Variants in NAV2 observed in about 807,000 individuals in gnomAD.
NAV2 encodes the protein helicase, APC down-regulated 1.
A neutral mutation model predicts 223.2 loss-of-function variants in NAV2; 54 were observed. The observed-to-expected ratio is 0.24, with a 90% CI of 0.19 to 0.30. The LOEUF is 0.30. Among genes scored for constraint, NAV2 ranks in the 10% least tolerant of loss-of-function variants. The pLI, the probability that NAV2 is intolerant of heterozygous loss-of-function variation, is 1.00. For missense variants in NAV2, 2,806 were observed against 3,147.5 expected, an observed-to-expected ratio of 0.89 and a Z score of 2.60; for synonymous variants, 1,279 against 1,239.3, an observed-to-expected ratio of 1.03 and a Z score of -0.67.
chr11:19,996,933 T>A (rs960621172), intron 11 of NAV2, among the ~76,000 whole-genome samples: 3 of 152,182 alleles, frequency 2.0e-5, no homozygotes, highest in African/African-American at 7.2e-5. Flanking sequence ...CTCAGTGGGC[T>A]CAAACCTCCA....
chr11:19,454,668 AG>A (rs138453689), intron 1 of NAV2, among the ~76,000 whole-genome samples: 1 of 152,326 alleles, frequency 6.6e-6, no homozygotes, highest in Non-Finnish European at 1.5e-5. Context: ...AAGGTGGGCC[AG>A]GCTGATGATG....
chr11:19,820,258 A>C (rs1396572442), intron 1 of NAV2, among the ~76,000 whole-genome samples: 1 of 152,350 alleles, frequency 6.6e-6, no homozygotes, highest in Non-Finnish European at 1.5e-5. Context: ...AGCTGCTCCC[A>C]AGCCTTTCTG....
At chr11:19,670,531 C>A (rs550764119) in intron 1 of NAV2, among the ~76,000 whole-genome samples, 8 of 152,354 alleles carry the variant, frequency 5.3e-5, no homozygotes, top group African/African-American at 1.7e-4. Context: ...GAAAAGGCTG[C>A]AGCCACCCTG....
chr11:19,870,653 A>G (rs968436574), intron 4 of NAV2, among the ~76,000 whole-genome samples: 2 of 152,216 alleles, frequency 1.3e-5, no homozygotes, highest in African/African-American at 2.4e-5. Flanking sequence ...TTGAAAGAAC[A>G]AGTACCAATT....
chr11:19,734,314 T>A (rs1221894613), intron 1 of NAV2, among the ~76,000 whole-genome samples: 3 of 152,180 alleles, frequency 2.0e-5, no homozygotes, highest in Non-Finnish European at 4.4e-5. Context: ...AGGATGAATA[T>A]GATGACCCAT....
At chr11:19,931,325 T>C (rs563692399) in intron 6 of NAV2, among the ~76,000 whole-genome samples, 1 of 152,200 alleles carries the variant, frequency 6.6e-6, no homozygotes, top group African/African-American at 2.4e-5. Context: ...GCACCCTCCC[T>C]CCAAACCCAA....
chr11:19,365,645 G>T (rs953405352), intron 1 of NAV2, among the ~76,000 whole-genome samples: 2 of 152,218 alleles, frequency 1.3e-5, no homozygotes, highest in Non-Finnish European at 2.9e-5. Context: ...ACTCTAAGAT[G>T]CTAGAGGGTG....
At chr11:19,468,003 G>A (rs559358644) in intron 1 of NAV2, among the ~76,000 whole-genome samples, 8 of 152,192 alleles carry the variant, frequency 5.3e-5, no homozygotes, top group Admixed American at 1.3e-4. Flanking sequence ...GCATAAGGAA[G>A]GGAGGCTTGG....
chr11:19,811,312 A>G (rs755897212), intron 1 of NAV2, among the ~76,000 whole-genome samples: 6 of 152,126 alleles, frequency 3.9e-5, no homozygotes, highest in Non-Finnish European at 8.8e-5. Context: ...GGAGGAGGTC[A>G]GAGGGGGAGA....
chr11:19,692,935 C>T (rs571298914), intron 1 of NAV2, among the ~76,000 whole-genome samples: 13 of 152,322 alleles, frequency 8.5e-5, no homozygotes, highest in East Asian at 1.9e-4. Context: ...GGCTCCAAAC[C>T]GAGGGAACAG....
intron 1 of NAV2, among the ~76,000 whole-genome samples, chr11:19,571,134 C>T (rs2045413685): frequency 6.6e-6 from 1 of 152,156 alleles, no homozygotes; most frequent in Non-Finnish European, 1.5e-5. Context: ...ACAAATGCCA[C>T]AACATGGATG....
At chr11:19,620,493 T>C (rs2046957480) in intron 1 of NAV2, among the ~76,000 whole-genome samples, 2 of 152,182 alleles carry the variant, frequency 1.3e-5, no homozygotes, top group Admixed American at 1.3e-4. Context: ...GTAAGTTGGA[T>C]TCCTAGGTAT....
At chr11:20,103,440 C>T (rs754007640) in intron 33 of NAV2, 31 bp downstream of exon 33, 5 of 1,603,582 alleles carry the variant, frequency 3.1e-6, no homozygotes, top group Admixed American at 1.7e-5. Context: ...TCATAGCCCC[C>T]CGGGAGAGAG....
intron 10 of NAV2, among the ~76,000 whole-genome samples, chr11:19,958,357 C>G (rs1176418243): frequency 6.6e-6 from 1 of 152,194 alleles, no homozygotes; most frequent in Non-Finnish European, 1.5e-5. Context: ...TTGCCAAGAT[C>G]CTAACGCTGT....
intron 1 of NAV2, chr11:19,714,339 C>T (rs761761313): frequency 2.4e-5 from 12 of 494,686 alleles, no homozygotes; most frequent in Admixed American, 2.3e-4. Flanking sequence ...GTGTGTCTGT[C>T]TGGCGGTTCC....
rs79186797 is a variant in NAV2, at chr11:19,801,414, G to A, written c.268-31070G>A. ...TCTCCCTTTGCTGTGTCCTCTCCAA[G>A]CCCAGCATTGCTTCAGATTGCTAAA... On this transcript the variant is annotated intron_variant, in intron 1 of 37. Coordinates refer to ENST00000349880, the MANE Select transcript of NAV2 (RefSeq NM_145117.5). 6.1e-3 allele frequency among the ~76,000 whole-genome samples: 928 copies of A among 152,326 alleles called. 15 individuals carry two copies. The highest frequency in any genetic ancestry group is 0.036 in the East Asian group (188 of 5,184).
intron 2 of NAV2, among the ~76,000 whole-genome samples, chr11:19,836,002 A>C (rs1219854584): frequency 2.6e-5 from 4 of 152,062 alleles, no homozygotes; most frequent in Non-Finnish European, 5.9e-5. Flanking sequence ...CCTGGGTCTT[A>C]GTTGTCTTCC....
At chr11:19,418,845 G>A (rs767321087) in intron 1 of NAV2, among the ~76,000 whole-genome samples, 28 of 152,126 alleles carry the variant, frequency 1.8e-4, no homozygotes, top group African/African-American at 1.2e-4. Flanking sequence ...CAGGGAGACC[G>A]GTTAGGCTAT....
chr11:19,717,693 T>C (rs1171599860), intron 1 of NAV2, among the ~76,000 whole-genome samples: 1 of 152,226 alleles, frequency 6.6e-6, no homozygotes, highest in Non-Finnish European at 1.5e-5. Flanking sequence ...TCATTCTGAA[T>C]GTGCAGGGTA....
Sources: allele counts gnomAD v4.1 joint callset (sites outside exome capture counted in the v4.1 genomes callset), GRCh38; gene constraint gnomAD v4.1.1; transcripts MANE v1.5; gene names NCBI Gene and HGNC (gene_info 2026-07-23, HGNC 2026-07-21).